THSD7A: variants seen among roughly 807,000 people sequenced by gnomAD.
THSD7A encodes thrombospondin type-1 domain-containing protein 7A.
In THSD7A, 96 loss-of-function variants were observed where a neutral mutation model predicts 231.3. The ratio of observed to expected loss-of-function variants is 0.41; its 90% confidence interval spans 0.35 to 0.49. THSD7A has a LOEUF of 0.49. Among genes scored for constraint, THSD7A ranks in the 20% least tolerant of loss-of-function variants. The probability of loss-of-function intolerance (pLI) is 0.05; values close to 1 mark genes in which losing one functional copy is unlikely to be tolerated. For missense variants in THSD7A, 2,290 were observed against 2,070.2 expected (o/e 1.11, Z -2.06); for synonymous variants, 940 against 743.3 (o/e 1.26, Z -4.30).
intron 2 of THSD7A, among the ~76,000 whole-genome samples, chr7:11,599,939 G>C (rs931531720): frequency 4.6e-5 from 7 of 152,012 alleles, no homozygotes; most frequent in African/African-American, 1.7e-4. Context: ...AACATGAAAA[G>C]ACTAGAGTGG....
intron 2 of THSD7A, among the ~76,000 whole-genome samples, chr7:11,605,406 G>C (rs1208719588): frequency 6.6e-6 from 1 of 152,020 alleles, no homozygotes; most frequent in Admixed American, 6.6e-5. Context: ...GCACTGGAGT[G>C]GAAGTTGTTC....
At chr7:11,656,107 C>G (rs565191917) in intron 1 of THSD7A, among the ~76,000 whole-genome samples, 188 of 151,916 alleles carry the variant, frequency 1.2e-3, no homozygotes, top group African/African-American at 4.3e-3. Context: ...CTATAATATT[C>G]CATTTTACAG....
rs545203011 is a variant in THSD7A, at chr7:11,439,125, A to G, written c.3064+6936T>C. 3.3e-5 allele frequency among the ~76,000 whole-genome samples: 5 copies of G among 152,156 alleles called. No individual in the cohort carries two copies. In the East Asian group the frequency reaches 9.7e-4, roughly 29 times the overall value. ...GCAAAAATATGACTATTTTCAAAGG[A>G]CAAATCTGAATTGGGCTTTGATTTT... On this transcript the variant is annotated intron_variant, in intron 13 of 27. Transcript: ENST00000423059.
At chr7:11,784,399 T>G (rs1783723890) in intron 1 of THSD7A, among the ~76,000 whole-genome samples, 1 of 151,892 alleles carries the variant, frequency 6.6e-6, no homozygotes, top group Admixed American at 6.6e-5. Flanking sequence ...TATTGCCATC[T>G]GAAATCCCAA....
intron 18 of THSD7A, 90 bp downstream of exon 18, chr7:11,412,566 G>T: frequency 6.8e-7 from 1 of 1,464,320 alleles, no homozygotes; most frequent in South Asian, 1.3e-5. Flanking sequence ...AGGCACACAG[G>T]TAGAGATGAA....
chr7:11,512,817 T>C (rs1443507977), intron 6 of THSD7A, among the ~76,000 whole-genome samples: 2 of 146,816 alleles, frequency 1.4e-5, no homozygotes, highest in Non-Finnish European at 3.0e-5. Flanking sequence ...TTAGGAGATA[T>C]ACCTAATGTA....
chr7:11,508,135 T>G (rs975314972), intron 6 of THSD7A, among the ~76,000 whole-genome samples: 1 of 152,160 alleles, frequency 6.6e-6, no homozygotes, highest in African/African-American at 2.4e-5. Flanking sequence ...ACCCTCATGA[T>G]CCAATCACCT....
Position 11,541,467 on chromosome 7 carries a change from A to G in THSD7A, c.1774T>C (p.Cys592Arg). The stretch of plus-strand genomic sequence containing the variant: ...TCTTGAACTTGCGTGCCTGGACCAC[A>G]CTCCTTTCCGTTATCTGGCTCGCAG... ...GNCEPDNGKECGPGTQVQEVV... is the reference protein window; with the variant it reads ...GNCEPDNGKERGPGTQVQEVV... The change falls in exon 6 of 28, where the codon TGT becomes CGT. Residue 592 changes from cysteine to arginine, a missense_variant. Transcript: ENST00000423059. The G allele has an allele frequency of 1.9e-6, 3 of 1,613,738 alleles. No homozygotes were observed. The highest frequency in any genetic ancestry group is 2.5e-6 in the Non-Finnish European group (3 of 1,179,836).
intron 6 of THSD7A, among the ~76,000 whole-genome samples, chr7:11,508,729 G>C (rs997374418): frequency 6.6e-6 from 1 of 152,168 alleles, no homozygotes; most frequent in Non-Finnish European, 1.5e-5. Flanking sequence ...AGAAAATGTG[G>C]TATATACTCA....
chr7:11,733,596 G>A (rs1404687477), intron 1 of THSD7A, among the ~76,000 whole-genome samples: 1 of 151,702 alleles, frequency 6.6e-6, no homozygotes, highest in Non-Finnish European at 1.5e-5. Flanking sequence ...GCACCCTGTG[G>A]TAGACAAGAG....
At chr7:11,591,898 T>C (rs1259501876) in intron 3 of THSD7A, among the ~76,000 whole-genome samples, 5 of 152,162 alleles carry the variant, frequency 3.3e-5, no homozygotes, top group African/African-American at 1.2e-4. Flanking sequence ...ATGAGAGGAA[T>C]AGCCTGTCAA....
chr7:11,502,661 C>G (rs1383654912), intron 6 of THSD7A, among the ~76,000 whole-genome samples: 1 of 152,194 alleles, frequency 6.6e-6, no homozygotes, highest in African/African-American at 2.4e-5. Context: ...TATACACCAT[C>G]AACAACCAAA....
intron 6 of THSD7A, among the ~76,000 whole-genome samples, chr7:11,537,948 CAG>C (rs1223255167): frequency 5.3e-5 from 8 of 152,186 alleles, no homozygotes; most frequent in Non-Finnish European, 1.2e-4. Flanking sequence ...CTTTGGATAG[CAG>C]AGTTACTCCC....
chr7:11,755,809 C>T (rs1207859679), intron 1 of THSD7A, among the ~76,000 whole-genome samples: 1 of 151,974 alleles, frequency 6.6e-6, no homozygotes, highest in African/African-American at 2.4e-5. Context: ...CAAAGAAATA[C>T]TGCTTAGAAA....
intron 1 of THSD7A, chr7:11,820,510 A>G: frequency 1.2e-6 from 1 of 818,658 alleles, no homozygotes; most frequent in Non-Finnish European, 1.9e-6. Context: ...TTGGGTGTGT[A>G]ATCTAGGTCC....
intron 1 of THSD7A, among the ~76,000 whole-genome samples, chr7:11,725,251 A>G (rs898184396): frequency 3.3e-5 from 5 of 151,956 alleles, no homozygotes; most frequent in Admixed American, 6.6e-5. Flanking sequence ...TTTGTTTAAC[A>G]TGGAATGAAA....
At chr7:11,727,430 G>A (rs1362853617) in intron 1 of THSD7A, among the ~76,000 whole-genome samples, 1 of 151,922 alleles carries the variant, frequency 6.6e-6, no homozygotes, top group Non-Finnish European at 1.5e-5. Flanking sequence ...ATAGGAGAAG[G>A]AAGAGTTCAA....
At chr7:11,484,545 T>C (rs975742347) in intron 6 of THSD7A, among the ~76,000 whole-genome samples, 17 of 152,184 alleles carry the variant, frequency 1.1e-4, no homozygotes, top group African/African-American at 7.2e-5. Context: ...AATTGGTTAA[T>C]ATGTTTATTG....
chr7:11,616,499 G>T (rs989057406), intron 2 of THSD7A, among the ~76,000 whole-genome samples: 1 of 152,226 alleles, frequency 6.6e-6, no homozygotes, highest in Non-Finnish European at 1.5e-5. Context: ...GAAATTTTTT[G>T]CAGTGTATTG....
Sources: gnomAD v4.1 joint callset for allele counts (sites outside exome capture counted in the v4.1 genomes callset) on GRCh38, gnomAD v4.1.1 for gene constraint, MANE v1.5 for transcripts, NCBI Gene and HGNC (gene_info 2026-07-23, HGNC 2026-07-21) for gene names.